Variants in ASB5 observed in about 807,000 individuals in gnomAD.
ASB5 encodes ankyrin repeat and SOCS box protein 5.
In ASB5, 45 loss-of-function variants were observed where a neutral mutation model predicts 42.1. The ratio of observed to expected loss-of-function variants is 1.07; its 90% CI spans 0.84 to 1.37. ASB5 has a LOEUF of 1.37. Ranked by LOEUF, ASB5 falls within the 40% of genes most tolerant of loss-of-function variation. The pLI, the probability that ASB5 is intolerant of heterozygous loss-of-function variation, is 0.00. For missense variants in ASB5, 402 were observed against 399.8 expected (o/e 1.01, Z -0.05); for synonymous variants, 147 against 150.6 (o/e 0.98, Z 0.18).
intron 1 of ASB5, among the ~76,000 whole-genome samples, chr4:176,261,470 A>C (rs1489308727): frequency 6.6e-6 from 1 of 152,230 alleles, no homozygotes; most frequent in Non-Finnish European, 1.5e-5. Context: ...ATTAGCATCA[A>C]CCACTCAACT....
At position 176,269,171 on chromosome 4, in the gene ASB5, G is replaced by A. The variant is rs1377312915; in HGVS notation, c.-63C>T. 6.7e-6 allele frequency: 10 copies of A among 1,481,632 alleles called. No homozygotes were observed. The highest frequency in any genetic ancestry group is 2.3e-5 in the East Asian group (1 of 43,134). The allele number at this position is 1,481,632 out of a possible 1,614,324, so 91.8% of individuals were successfully genotyped here. ...CAAGTCTCAAATGTGCCTGGCTCTC[G>A]TCCGGGATGCTCCTGAACAGCTGGT... On this transcript the variant is annotated 5_prime_UTR_variant, in exon 1 of 7. It adds an upstream start codon to the 5' untranslated region. Transcript: ENST00000296525.
chr4:176,271,103 C>CA (rs955565004), upstream of ASB5, among the ~76,000 whole-genome samples: 13 of 152,084 alleles, frequency 8.5e-5, no homozygotes, highest in Admixed American at 6.6e-4. Flanking sequence ...TTTACTAATA[C>CA]AAAAAACTAC....
chr4:176,270,941 A>G (rs1754458532), upstream of ASB5, among the ~76,000 whole-genome samples: 1 of 152,110 alleles, frequency 6.6e-6, no homozygotes, highest in African/African-American at 2.4e-5. Context: ...TGCCCATCTA[A>G]GGTTTCAGTC....
chr4:176,269,126 C>A lies in ASB5; in HGVS notation c.-18G>T. On this transcript the variant is annotated 5_prime_UTR_variant, in exon 1 of 7. Transcript: ENST00000296525. ...ACCGACATTGCTGCAGAAGAATCTG[C>A]GGCGGTCTTTAGTTGGATCCAAGTC... 1 of 1,601,296 alleles carries A rather than the reference C, an allele frequency of 6.2e-7. No individual in the cohort carries two copies. Among genetic ancestry groups the A allele is most frequent in the Non-Finnish European group, 8.5e-7 (1 of 1,172,462 alleles).
At position 176,215,539 on chromosome 4, in the gene ASB5, T is replaced by C; in HGVS notation, c.*61A>G. On this transcript the variant is annotated 3_prime_UTR_variant, in exon 7 of 7. Transcript: ENST00000296525. ...CTTTAGCATATTTTTATATGAACTA[T>C]TCCTTAAGCAAAAGAAATAGAAATT... is the stretch of plus-strand genomic sequence containing the variant. 6.5e-7 allele frequency: 1 copy of C among 1,531,640 alleles called. No individual in the cohort carries two copies. The highest frequency in any genetic ancestry group is 8.9e-7 in the Non-Finnish European group (1 of 1,117,612). 94.9% of individuals were successfully genotyped at this position (1,531,640 alleles called of 1,614,324 possible).
At chr4:176,228,520 T>C (rs1368153729) in intron 1 of ASB5, among the ~76,000 whole-genome samples, 2 of 152,222 alleles carry the variant, frequency 1.3e-5, no homozygotes, top group African/African-American at 4.8e-5. Context: ...GATATAAGTT[T>C]CCATCTAGTG....
At chr4:176,230,914 A>C (rs1005168585) in intron 1 of ASB5, among the ~76,000 whole-genome samples, 1 of 152,214 alleles carries the variant, frequency 6.6e-6, no homozygotes, top group South Asian at 2.1e-4. Flanking sequence ...TTTAGGATAA[A>C]TTATTCAGTG....
rs1754422526 is a variant in ASB5 at position 176,269,121 on chromosome 4, AT to A, written c.-14del. ...CTAACACCGACATTGCTGCAGAAGA[AT>A]CTGCGGCGGTCTTTAGTTGGATCCA... On this transcript the variant is annotated 5_prime_UTR_variant, in exon 1 of 7. Transcript: ENST00000296525. The A allele has an allele frequency of 1.2e-6, 2 of 1,605,652 alleles. No individual in the cohort carries two copies. Among genetic ancestry groups the A allele is most frequent in the East Asian group, 4.5e-5 (2 of 44,630 alleles).
intron 1 of ASB5, among the ~76,000 whole-genome samples, chr4:176,230,279 G>A (rs184242053): frequency 2.6e-4 from 39 of 152,272 alleles, no homozygotes; most frequent in Non-Finnish European, 4.9e-4. Flanking sequence ...GGAAACTAAA[G>A]TAATAAACAA....
rs147522626 is a variant in ASB5 at position 176,268,049 on chromosome 4, G to C, written c.196+864C>G. ...TTTAAGTTGTTTTGGAGGTATTTGG[G>C]CTATAAATATTCATGCATGCCTGTT... On this transcript the variant is annotated intron_variant, in intron 1 of 6. Coordinates refer to ENST00000296525, the MANE Select transcript of ASB5 (RefSeq NM_080874.4). Among the ~76,000 whole-genome samples the C allele has an allele frequency of 9.1e-4, 139 of 152,226 alleles. 1 individual carries two copies. The highest frequency in any genetic ancestry group is 1.7e-3 in the Non-Finnish European group (115 of 68,004).
At chr4:176,224,487 C>T (rs185270957) in intron 2 of ASB5, among the ~76,000 whole-genome samples, 85 of 151,792 alleles carry the variant, frequency 5.6e-4, no homozygotes, top group African/African-American at 1.9e-3. Flanking sequence ...CACATGCCTC[C>T]GCCTCCCAAA....
chr4:176,219,348 GTATGATAT>G (rs1275680493), intron 5 of ASB5, among the ~76,000 whole-genome samples: 4 of 95,274 alleles, frequency 4.2e-5, no homozygotes, highest in East Asian at 3.1e-4. Flanking sequence ...ATATATATTT[GTATGATAT>G]ATAAATATAT....
In ASB5 at chr4:176,216,842, C is replaced by T. The variant is rs773857274; in HGVS notation, c.838G>A (p.Glu280Lys). 1 of 1,601,618 alleles carries T rather than the reference C, an allele frequency of 6.2e-7. No homozygotes were observed. The highest frequency in any genetic ancestry group is 1.3e-5 in the African/African-American group (1 of 74,168). The change falls in exon 6 of 7, where the codon GAA becomes AAA. Residue 280 changes from glutamate to lysine, a missense_variant. Transcript: ENST00000296525. ...IDVATSSSMVERILLQHEATP... is the reference protein window; with the variant it reads ...IDVATSSSMVKRILLQHEATP... ...CCTTCATGTTGAAGCAATATCCTTTCCACCATACTGCTAGACGTAGCTACA... is the reference window on the plus strand; with the variant it reads ...CCTTCATGTTGAAGCAATATCCTTTTCACCATACTGCTAGACGTAGCTACA...
intron 1 of ASB5, among the ~76,000 whole-genome samples, chr4:176,240,973 T>C (rs1753799111): frequency 1.3e-5 from 2 of 152,194 alleles, no homozygotes; most frequent in African/African-American, 4.8e-5. Context: ...TGCGCGTCCA[T>C]GCACAGTGTC....
intron 1 of ASB5, chr4:176,241,665 G>A (rs1326443259): frequency 1.5e-6 from 2 of 1,353,066 alleles, no homozygotes; most frequent in African/African-American, 1.5e-5. Context: ...TGTTGGCCTA[G>A]TGATAGTGAG....
chr4:176,275,588 C>T (rs368155966), intron 2 of ASB5, among the ~76,000 whole-genome samples: 1 of 152,230 alleles, frequency 6.6e-6, no homozygotes, highest in African/African-American at 2.4e-5. Flanking sequence ...CATCTCCCAG[C>T]TCCCTACGAT....
intron 5 of ASB5, among the ~76,000 whole-genome samples, chr4:176,219,946 T>A (rs565331120): frequency 3.8e-4 from 58 of 152,210 alleles, no homozygotes; most frequent in African/African-American, 1.3e-3. Flanking sequence ...AATCGTTTGG[T>A]TTCCCTTGGC....
chr4:176,219,673 C>T (rs1308282874), intron 5 of ASB5, among the ~76,000 whole-genome samples: 1 of 143,254 alleles, frequency 7.0e-6, no homozygotes, highest in Non-Finnish European at 1.5e-5. Context: ...CTCCCGGGTT[C>T]AAGTTGCCTC....
chr4:176,244,814 A>G (rs1396690675), intron 1 of ASB5, among the ~76,000 whole-genome samples: 1 of 152,132 alleles, frequency 6.6e-6, no homozygotes, highest in African/African-American at 2.4e-5. Flanking sequence ...GATACTCAGG[A>G]TGTCGGGGCT....
Sources: allele counts gnomAD v4.1 joint callset (sites outside exome capture counted in the v4.1 genomes callset), GRCh38; gene constraint gnomAD v4.1.1; transcripts MANE v1.5; gene names NCBI Gene and HGNC (gene_info 2026-07-23, HGNC 2026-07-21).